Variants in MTFR1 observed in about 807,000 individuals in gnomAD.
The protein encoded by MTFR1 is mitochondrial fission regulator 1.
In MTFR1, 28 loss-of-function variants were observed where a neutral mutation model predicts 38.8. That is an observed-to-expected ratio of 0.72 (90% CI 0.53 to 0.99). The LOEUF (loss-of-function observed/expected upper bound fraction) is 0.99. Ranked by LOEUF, MTFR1 falls within the 50% of genes least tolerant of loss-of-function variation. The pLI is 0.00. For synonymous variants in MTFR1, 145 were observed against 137.0 expected (o/e 1.06, Z -0.41); for missense variants, 358 against 395.5 (o/e 0.91, Z 0.81).
chr8:65,726,037 A>G (rs1194056472), intron 3 of MTFR1, among the ~76,000 whole-genome samples: 1 of 152,230 alleles, frequency 6.6e-6, no homozygotes, highest in Non-Finnish European at 1.5e-5. Context: ...TCATTACACA[A>G]AACAGTTTTT....
intron 1 of MTFR1, among the ~76,000 whole-genome samples, chr8:65,656,703 G>T (rs1465250070): frequency 2.0e-5 from 3 of 151,906 alleles, no homozygotes; most frequent in Non-Finnish European, 4.4e-5. Context: ...GTTTCACCAT[G>T]TTGGCCAGGC....
chr8:65,723,977 G>C (rs973103635), intron 3 of MTFR1, among the ~76,000 whole-genome samples: 4 of 152,110 alleles, frequency 2.6e-5, no homozygotes, highest in African/African-American at 9.7e-5. Flanking sequence ...CAAGGATAAA[G>C]CAAGTTCAGG....
chr8:65,729,252 A>G (rs1267868938), intron 3 of MTFR1, among the ~76,000 whole-genome samples: 2 of 151,744 alleles, frequency 1.3e-5, no homozygotes, highest in Non-Finnish European at 2.9e-5. Flanking sequence ...ATAGAAAACT[A>G]TTAAGTGGTG....
chr8:65,698,557 A>C (rs1334589314), intron 4 of MTFR1, among the ~76,000 whole-genome samples: 4 of 152,200 alleles, frequency 2.6e-5, no homozygotes, highest in African/African-American at 9.6e-5. Context: ...AATTAAAAAA[A>C]AACTTTTAGG....
chr8:65,661,245 A>C (rs923764005), intron 1 of MTFR1, among the ~76,000 whole-genome samples: 4 of 152,256 alleles, frequency 2.6e-5, no homozygotes, highest in African/African-American at 9.6e-5. Flanking sequence ...CTGTAGGTTC[A>C]TCCATTGGAA....
At chr8:65,648,438 A>G (rs770402304) in intron 1 of MTFR1, among the ~76,000 whole-genome samples, 28 of 152,206 alleles carry the variant, frequency 1.8e-4, no homozygotes, top group Non-Finnish European at 3.7e-4. Context: ...AGTGGCTAGT[A>G]AAATGAAAAA....
At chr8:65,666,236 A>G (rs1804378500) in intron 1 of MTFR1, among the ~76,000 whole-genome samples, 1 of 152,140 alleles carries the variant, frequency 6.6e-6, no homozygotes, top group Non-Finnish European at 1.5e-5. Flanking sequence ...GTGAAACCCC[A>G]TCTCTACTAA....
intron 2 of MTFR1, chr8:65,718,345 G>T (rs1806228175): frequency 6.6e-6 from 1 of 152,180 alleles, no homozygotes; most frequent in Non-Finnish European, 1.5e-5. Context: ...CAGCGAAAGG[G>T]ACTTTAGTAC....
intron 2 of MTFR1, among the ~76,000 whole-genome samples, chr8:65,674,278 A>G (rs559907246): frequency 6.6e-6 from 1 of 152,120 alleles, no homozygotes; most frequent in South Asian, 2.1e-4. Flanking sequence ...CCAAGAGTGA[A>G]AACTACCTTC....
chr8:65,651,200 C>G (rs1401421963), intron 1 of MTFR1, among the ~76,000 whole-genome samples: 2 of 152,172 alleles, frequency 1.3e-5, no homozygotes, highest in Admixed American at 6.5e-5. Context: ...TTGTTAATCC[C>G]TTGTCAGGTG....
In MTFR1 at chr8:65,682,386, C is replaced by T. The variant is rs746636695; in HGVS notation, c.100C>T (p.Arg34Ter). The T allele has an allele frequency of 7.6e-6, 12 of 1,571,332 alleles. No homozygotes were observed. Among genetic ancestry groups the T allele is most frequent in the East Asian group, 4.7e-5 (2 of 42,274 alleles). ...LWSRKPYGSS[R>*]SIVRKIGTNL... is the part of the protein sequence containing the mutation. ...GTCTAGGAAGCCATATGGTTCGTCT[C>T]GAAGTATCGTAAGGAAAATTGGTAC... Residue 34 changes from arginine to a stop codon, truncating the protein, a stop_gained, in exon 3 of 8, where the codon CGA becomes TGA. Transcript: ENST00000262146. LOFTEE classifies it high-confidence loss of function.
At chr8:65,697,456 C>T (rs2129057147) in intron 4 of MTFR1, among the ~76,000 whole-genome samples, 1 of 152,306 alleles carries the variant, frequency 6.6e-6, no homozygotes, top group African/African-American at 2.4e-5. Flanking sequence ...GCATCAAGAG[C>T]TTGATCCTTT....
At chr8:65,730,351 T>C (rs1806828167) in intron 3 of MTFR1, among the ~76,000 whole-genome samples, 1 of 151,204 alleles carries the variant, frequency 6.6e-6, no homozygotes, top group Non-Finnish European at 1.5e-5. Flanking sequence ...CAGCTAATTT[T>C]GTATTTTTAG....
chr8:65,699,533 G>A (rs574557357), intron 4 of MTFR1, among the ~76,000 whole-genome samples: 2 of 152,182 alleles, frequency 1.3e-5, no homozygotes, highest in Non-Finnish European at 2.9e-5. Flanking sequence ...AAGCTCCCAA[G>A]CAATTATGTC....
intron 1 of MTFR1, among the ~76,000 whole-genome samples, chr8:65,662,244 C>T (rs1240372609): frequency 6.6e-6 from 1 of 152,048 alleles, no homozygotes; most frequent in Non-Finnish European, 1.5e-5. Flanking sequence ...ATTGCAGGCG[C>T]GCGCCGCCAC....
intron 3 of MTFR1, chr8:65,723,620 T>C: frequency 1.3e-6 from 2 of 1,544,634 alleles, no homozygotes; most frequent in African/African-American, 1.4e-5. Context: ...TTTCTATATC[T>C]CCTATAAATT....
rs567916475 is a variant in MTFR1 at position 65,678,893 on chromosome 8, T to TA, written c.67-3450dup. Among the ~76,000 whole-genome samples the TA allele has an allele frequency of 1.6e-3, 242 of 148,422 alleles. 4 individuals are homozygous for TA. Among genetic ancestry groups the TA allele is most frequent in the South Asian group, 0.015 (68 of 4,684 alleles). ...GAGCGAGACTCCATCTAAAAAAATT[T>TA]AAAAAAAAAAGCTGAATCATTGGCC... On this transcript the variant is annotated intron_variant, in intron 2 of 7. Coordinates refer to ENST00000262146, the MANE Select transcript of MTFR1 (RefSeq NM_014637.4).
intron 3 of MTFR1, among the ~76,000 whole-genome samples, chr8:65,768,508 C>T (rs181687827): frequency 1.2e-3 from 178 of 152,250 alleles, no homozygotes; most frequent in Non-Finnish European, 2.1e-3. Context: ...TCACCTTCGG[C>T]CGTAATTGTG....
At chr8:65,728,980 T>C (rs1457234907) in intron 3 of MTFR1, among the ~76,000 whole-genome samples, 5 of 152,004 alleles carry the variant, frequency 3.3e-5, no homozygotes, top group African/African-American at 7.3e-5. Flanking sequence ...ATATTTGATA[T>C]AAAAATGTAA....
Sources: gnomAD v4.1 joint callset for allele counts (sites outside exome capture counted in the v4.1 genomes callset) on GRCh38, gnomAD v4.1.1 for gene constraint, MANE v1.5 for transcripts, NCBI Gene and HGNC (gene_info 2026-07-23, HGNC 2026-07-21) for gene names.